The following NR3C2 variants were observed in gnomAD, a reference collection of about 807,000 sequenced individuals.
NR3C2 encodes the protein mineralocorticoid receptor.
In NR3C2, 15 loss-of-function variants were observed where a neutral mutation model predicts 86.4. The observed-to-expected ratio is 0.17, with a 90% confidence interval of 0.12 to 0.27. NR3C2 has a LOEUF of 0.27. Ranked by LOEUF, NR3C2 falls within the 10% of genes least tolerant of loss-of-function variation. The probability of loss-of-function intolerance (pLI) is 1.00; values close to 1 mark genes in which losing one functional copy is unlikely to be tolerated. For missense variants in NR3C2, 960 were observed against 1,195.6 expected (o/e 0.80, Z 2.91); for synonymous variants, 458 against 450.5 (o/e 1.02, Z -0.21).
intron 2 of NR3C2, among the ~76,000 whole-genome samples, chr4:148,380,113 C>T (rs925337913): frequency 6.6e-6 from 1 of 152,198 alleles, no homozygotes; most frequent in African/African-American, 2.4e-5. Flanking sequence ...ATATTCATGA[C>T]TTTAAAGTGT....
At chr4:148,145,664 G>T (rs954157737) in intron 6 of NR3C2, among the ~76,000 whole-genome samples, 1 of 152,218 alleles carries the variant, frequency 6.6e-6, no homozygotes, top group African/African-American at 2.4e-5. Context: ...CAGCACTTGT[G>T]CCACCTGCAG....
At chr4:148,220,187 C>A (rs538220523) in intron 3 of NR3C2, among the ~76,000 whole-genome samples, 12 of 151,962 alleles carry the variant, frequency 7.9e-5, no homozygotes, top group Non-Finnish European at 1.2e-4. Context: ...ACTGGGTTCA[C>A]GTGATCCTCC....
intron 2 of NR3C2, among the ~76,000 whole-genome samples, chr4:148,390,515 AGG>A: frequency 6.6e-6 from 1 of 152,280 alleles, no homozygotes; most frequent in Middle Eastern, 3.4e-3. Flanking sequence ...ATCACCTGAA[AGG>A]AGGGCAAGGT....
At chr4:148,127,714 G>T (rs1184085644) in intron 6 of NR3C2, among the ~76,000 whole-genome samples, 2 of 152,214 alleles carry the variant, frequency 1.3e-5, no homozygotes, top group Non-Finnish European at 2.9e-5. Flanking sequence ...AAACACAGCA[G>T]CCAAAGTGGG....
chr4:148,386,834 T>C (rs72656893), intron 2 of NR3C2, among the ~76,000 whole-genome samples: 2,677 of 152,234 alleles, frequency 0.018, 80 homozygotes, highest in African/African-American at 0.061. Context: ...CTTAAATCAG[T>C]GAGAAAAAAA....
intron 3 of NR3C2, among the ~76,000 whole-genome samples, chr4:148,221,085 T>G (rs1364696323): frequency 6.6e-6 from 1 of 152,148 alleles, no homozygotes; most frequent in Non-Finnish European, 1.5e-5. Context: ...TCTGTTAAAC[T>G]CTGTACATTA....
rs989738247 is a variant in NR3C2 at position 148,436,117 on chromosome 4, C to T, written c.744G>A (p.Ser248=). The change falls in exon 2 of 9, where the codon TCG becomes TCA. Residue 248 remains serine (S), a synonymous_variant. Coordinates refer to ENST00000358102, the MANE Select transcript of NR3C2 (RefSeq NM_000901.5). ...CATTGCTAGCATGTGCAGGGCTGTG[C>T]GACCTGGAGCCTCGATTTTCAACAT... ...SPNVENRGSR[S]HSPAHASNVG... is the part of the protein sequence containing the mutation. The T allele has an allele frequency of 9.9e-6, 16 of 1,614,068 alleles. No individual in the cohort carries two copies. Among genetic ancestry groups the T allele is most frequent in the Admixed American group, 6.7e-5 (4 of 60,006 alleles).
At chr4:148,263,681 C>G (rs1740240501) in intron 2 of NR3C2, among the ~76,000 whole-genome samples, 1 of 152,182 alleles carries the variant, frequency 6.6e-6, no homozygotes, top group African/African-American at 2.4e-5. Flanking sequence ...TAATGCTTAA[C>G]CTTATGCTCA....
chr4:148,253,727 GT>G lies in NR3C2; in HGVS notation c.1897+6250del, dbSNP rs993700145. 1.5e-4 allele frequency among the ~76,000 whole-genome samples: 23 copies of G among 151,964 alleles called. No individual in the cohort carries two copies. In the East Asian group the frequency reaches 3.7e-3, roughly 24 times the overall value. On this transcript the variant is annotated intron_variant, in intron 3 of 8. Coordinates refer to ENST00000358102, the MANE Select transcript of NR3C2 (RefSeq NM_000901.5). ...CCAACTCCCCTTTATCCTAACAATGGTTTTTTTCCCCCATAGCCAATCACCT... is the reference window on the plus strand; with the variant it reads ...CCAACTCCCCTTTATCCTAACAATGGTTTTTTCCCCCATAGCCAATCACCT...
intron 2 of NR3C2, among the ~76,000 whole-genome samples, chr4:148,308,391 T>C (rs1197389784): frequency 6.6e-6 from 1 of 152,152 alleles, no homozygotes; most frequent in African/African-American, 2.4e-5. Context: ...AAGATCTTAG[T>C]CTGTTTCTAC....
chr4:148,153,368 G>A (rs1339519394), intron 5 of NR3C2, among the ~76,000 whole-genome samples: 1 of 152,130 alleles, frequency 6.6e-6, no homozygotes, highest in Non-Finnish European at 1.5e-5. Context: ...AGTAGAGACA[G>A]GGTTTCATGA....
At chr4:148,333,195 C>T (rs574137855) in intron 2 of NR3C2, among the ~76,000 whole-genome samples, 4 of 152,152 alleles carry the variant, frequency 2.6e-5, no homozygotes, top group Admixed American at 2.0e-4. Context: ...TGCTTGAACC[C>T]GGGAGATGGA....
intron 8 of NR3C2, among the ~76,000 whole-genome samples, chr4:148,097,751 G>GTTTTTTTT (rs553156519): frequency 9.7e-6 from 1 of 102,908 alleles, no homozygotes; most frequent in Non-Finnish European, 1.8e-5. Context: ...GTTTTTTTTT[G>GTTTTTTTT]TTTTTTTTTT....
At chr4:148,369,777 C>G (rs766995730) in intron 2 of NR3C2, among the ~76,000 whole-genome samples, 6 of 152,122 alleles carry the variant, frequency 3.9e-5, no homozygotes, top group Admixed American at 6.6e-5. Context: ...AAAACAAATA[C>G]AACTGTTTTG....
intron 2 of NR3C2, among the ~76,000 whole-genome samples, chr4:148,326,580 G>C (rs1278238555): frequency 6.6e-6 from 1 of 152,000 alleles, no homozygotes; most frequent in Non-Finnish European, 1.5e-5. Flanking sequence ...TTTTATTATT[G>C]CCCATTATTT....
intron 4 of NR3C2, among the ~76,000 whole-genome samples, chr4:148,188,371 T>C (rs187088565): frequency 1.1e-4 from 17 of 152,330 alleles, no homozygotes; most frequent in Admixed American, 9.8e-4. Flanking sequence ...TTCCATTTGT[T>C]TGTGTTGTCT....
Position 148,324,321 on chromosome 4 carries a change from T to C in NR3C2, c.1758-64204A>G, listed in dbSNP as rs190947440. Among the ~76,000 whole-genome samples, 13 of 150,028 alleles carry C rather than the reference T, an allele frequency of 8.7e-5. No individual in the cohort carries two copies. In the Admixed American group the frequency reaches 8.7e-4, roughly 10 times the overall value. Reference sequence around the variant, plus strand: ...GACTTTTTTCTTTTTTAAGACTGAATAATATTCCTCTGTGTGTGTGTGTGT... The same window carrying C: ...GACTTTTTTCTTTTTTAAGACTGAACAATATTCCTCTGTGTGTGTGTGTGT... On this transcript the variant is annotated intron_variant, in intron 2 of 8. Coordinates refer to ENST00000358102, the MANE Select transcript of NR3C2 (RefSeq NM_000901.5).
intron 2 of NR3C2, among the ~76,000 whole-genome samples, chr4:148,399,830 A>G (rs544374694): frequency 1.3e-5 from 2 of 152,258 alleles, no homozygotes; most frequent in Admixed American, 1.3e-4. Context: ...TGGACAATCA[A>G]CCCAGATATG....
In NR3C2 at chr4:148,154,900, T is replaced by C. The variant is rs1325301458; in HGVS notation, c.2016A>G (p.Ala672=). 2.6e-6 allele frequency: 4 copies of C among 1,554,194 alleles called. No individual in the cohort carries two copies. The East Asian group carries it at 7.2e-5, about 28-fold the overall frequency. ...ACTTTCCCAACTTCTTTGACTTTCG[T>C]GCTATAAGAAACCATAAATGATAAG... ...KCLQAGMNLG[A]RKSKKLGKLK... is the part of the protein sequence containing the mutation. The change falls in exon 5 of 9, where the codon GCA becomes GCG. Residue 672 remains alanine, a splice_region_variant and synonymous_variant. Transcript: ENST00000358102.
Sources: gnomAD v4.1 joint callset for allele counts (sites outside exome capture counted in the v4.1 genomes callset) on GRCh38, gnomAD v4.1.1 for gene constraint, MANE v1.5 for transcripts, NCBI Gene and HGNC (gene_info 2026-07-23, HGNC 2026-07-21) for gene names.